Variants in FHOD3 observed in about 807,000 individuals in gnomAD.
FHOD3 encodes the protein formin homology 2 domain containing 3, also known as FH1/FH2 domain-containing protein 3.
FHOD3 carries 90 observed loss-of-function variants against 173.0 expected under a neutral mutation model. That is an observed-to-expected ratio of 0.52 (90% CI 0.44 to 0.62). The LOEUF (loss-of-function observed/expected upper bound fraction) is 0.62. FHOD3 is among the 20% of genes least tolerant of loss of function. FHOD3 has a pLI of 0.00. For synonymous variants in FHOD3, 828 were observed against 823.0 expected (o/e 1.01, Z -0.10); for missense variants, 1,945 against 2,034.7 (o/e 0.96, Z 0.85).
chr18:36,369,534 A>T (rs2047076102), intron 2 of FHOD3, among the ~76,000 whole-genome samples: 1 of 148,244 alleles, frequency 6.7e-6, no homozygotes, highest in African/African-American at 2.5e-5. Flanking sequence ...GAGAGCAAGC[A>T]ATATGTGAAA....
chr18:36,347,698 A>C (rs1252432758), intron 1 of FHOD3, among the ~76,000 whole-genome samples: 1 of 152,244 alleles, frequency 6.6e-6, no homozygotes, highest in African/African-American at 2.4e-5. Flanking sequence ...AGAAAAGGCC[A>C]AATGGGCCAC....
At chr18:36,626,552 T>G (rs2148811760) in intron 10 of FHOD3, among the ~76,000 whole-genome samples, 1 of 152,266 alleles carries the variant, frequency 6.6e-6, no homozygotes, top group Non-Finnish European at 1.5e-5. Context: ...CCCAAATGGA[T>G]GCTCTGAGGT....
chr18:36,477,260 G>A (rs1208002788), intron 3 of FHOD3, among the ~76,000 whole-genome samples: 3 of 152,128 alleles, frequency 2.0e-5, no homozygotes, highest in African/African-American at 7.2e-5. Context: ...CTGGATGGAA[G>A]CATTTAGACT....
At chr18:36,754,968 T>C (rs1051849548) in intron 24 of FHOD3, 151 bp from the exon 25 acceptor site, 4 of 190,456 alleles carry the variant, frequency 2.1e-5, no homozygotes, top group Non-Finnish European at 2.8e-5. Flanking sequence ...GTGTGGCTTG[T>C]TGGTTTCTTT....
At chr18:36,759,222 G>A in intron 26 of FHOD3, 81 bp downstream of exon 26, 1 of 1,420,780 alleles carries the variant, frequency 7.0e-7, no homozygotes, top group Non-Finnish European at 9.6e-7. Context: ...TAATCAGCAT[G>A]AAGTGTCAGC....
In FHOD3 at chr18:36,714,308, G is replaced by A. The variant is rs768733318; in HGVS notation, c.2534-3524G>A. The stretch of plus-strand genomic sequence containing the variant: ...TCCCAGCACTTTGGGAGGCCGAGGC[G>A]GGCAGATCACTTGAATTCAGGGGTT... On this transcript the variant is annotated intron_variant, in intron 18 of 28. Transcript: ENST00000590592. Among the ~76,000 whole-genome samples, 8 of 152,176 alleles carry A rather than the reference G, an allele frequency of 5.3e-5. No individual in the cohort carries two copies. In the East Asian group the frequency reaches 5.8e-4, roughly 11 times the overall value.
intron 17 of FHOD3, among the ~76,000 whole-genome samples, chr18:36,698,209 A>G (rs1052761747): frequency 6.6e-5 from 10 of 152,132 alleles, no homozygotes; most frequent in African/African-American, 9.7e-5. Context: ...ATTGGACAAA[A>G]TCTTTCAGCA....
At chr18:36,711,369 C>A (rs2040162868) in intron 18 of FHOD3, 1 of 152,176 alleles carries the variant, frequency 6.6e-6, no homozygotes, top group Admixed American at 6.5e-5. Flanking sequence ...TTGAAAAAGT[C>A]TCATTCCAGT....
At chr18:36,736,230 G>A (rs9304161) in intron 20 of FHOD3, among the ~76,000 whole-genome samples, 9,630 of 152,260 alleles carry the variant, frequency 0.063, 1,026 homozygotes, top group African/African-American at 0.22. Context: ...GGGAGTACCC[G>A]CAACCCCTGA....
intron 2 of FHOD3, among the ~76,000 whole-genome samples, chr18:36,368,758 A>G (rs975140907): frequency 4.6e-5 from 7 of 152,172 alleles, no homozygotes; most frequent in African/African-American, 7.2e-5. Flanking sequence ...AAGGAGAAGC[A>G]AAGGCACATC....
chr18:36,565,197 G>A (rs1247580872), intron 5 of FHOD3, among the ~76,000 whole-genome samples: 1 of 152,074 alleles, frequency 6.6e-6, no homozygotes, highest in Non-Finnish European at 1.5e-5. Flanking sequence ...TACTTACTGC[G>A]GGCTCTGGTG....
chr18:36,358,982 T>C (rs74713428), intron 2 of FHOD3, among the ~76,000 whole-genome samples: 2,041 of 152,316 alleles, frequency 0.013, 32 homozygotes, highest in African/African-American at 0.046. Flanking sequence ...ATCTTTGAAA[T>C]AGACTTTTTA....
At chr18:36,318,085 A>G (rs989132734) in intron 1 of FHOD3, among the ~76,000 whole-genome samples, 2 of 152,018 alleles carry the variant, frequency 1.3e-5, no homozygotes, top group African/African-American at 4.8e-5. Context: ...TGGTCTATGT[A>G]TCTGTTTTGT....
intron 1 of FHOD3, among the ~76,000 whole-genome samples, chr18:36,298,393 C>T (rs532073897): frequency 1.3e-5 from 2 of 152,318 alleles, no homozygotes; most frequent in East Asian, 3.9e-4. Context: ...AGAAGCGGAG[C>T]GCCGCGAGAC....
At chr18:36,522,021 C>A (rs2056302129) in intron 5 of FHOD3, among the ~76,000 whole-genome samples, 1 of 152,158 alleles carries the variant, frequency 6.6e-6, no homozygotes, top group African/African-American at 2.4e-5. Flanking sequence ...GGAGATCTTC[C>A]CTGGTTCCCG....
chr18:36,567,518 T>G (rs556017409), intron 5 of FHOD3, among the ~76,000 whole-genome samples: 68 of 152,332 alleles, frequency 4.5e-4, no homozygotes, highest in African/African-American at 1.6e-3. Flanking sequence ...TGAATTCAAC[T>G]ATAAAACCTA....
At chr18:36,542,795 G>A (rs1373224205) in intron 5 of FHOD3, among the ~76,000 whole-genome samples, 4 of 152,112 alleles carry the variant, frequency 2.6e-5, no homozygotes. Context: ...TATTTGCTAA[G>A]AGAAATGTTA....
At chr18:36,729,753 G>C (rs1050233694) in intron 19 of FHOD3, among the ~76,000 whole-genome samples, 1 of 152,152 alleles carries the variant, frequency 6.6e-6, no homozygotes, top group East Asian at 1.9e-4. Context: ...CACTTTGGGG[G>C]TTAGGGCTTC....
intron 8 of FHOD3, among the ~76,000 whole-genome samples, chr18:36,610,901 T>A (rs938123208): frequency 1.3e-5 from 2 of 152,228 alleles, no homozygotes; most frequent in African/African-American, 4.8e-5. Flanking sequence ...CCCAGTGTCT[T>A]CAGTCGCTTC....
Sources: allele counts gnomAD v4.1 joint callset (sites outside exome capture counted in the v4.1 genomes callset), GRCh38; gene constraint gnomAD v4.1.1; transcripts MANE v1.5; gene names NCBI Gene and HGNC (gene_info 2026-07-23, HGNC 2026-07-21).